Variants in ZNF142 observed in about 807,000 individuals in gnomAD.
The protein encoded by ZNF142 is zinc finger protein 142.
A neutral mutation model predicts 132.1 loss-of-function variants in ZNF142; 96 were observed. The ratio of observed to expected loss-of-function variants is 0.73; its 90% CI spans 0.62 to 0.86. ZNF142 has a LOEUF of 0.86. Ranked by LOEUF, ZNF142 falls within the 40% of genes least tolerant of loss-of-function variation. ZNF142 has a pLI of 0.00. For missense variants in ZNF142, 2,163 were observed against 2,336.2 expected (o/e 0.93, Z 1.53); for synonymous variants, 842 against 890.1 (o/e 0.95, Z 0.96).
At chr2:218,640,338 T>C (rs2106194210) in intron 10 of ZNF142, among the ~76,000 whole-genome samples, 1 of 152,304 alleles carries the variant, frequency 6.6e-6, no homozygotes, top group Admixed American at 6.5e-5. Flanking sequence ...ATCATGTCTG[T>C]GTAAGAGCCA....
In ZNF142 at chr2:218,638,550, C is replaced by T. The variant is rs1352516310; in HGVS notation, c.5453G>A (p.Arg1818His). Residue 1818 changes from arginine to histidine, a missense_variant, in exon 11 of 11, where the codon CGC (arginine) becomes CAC (histidine). By Grantham distance (29) the Arg-to-His change is conservative. This residue lies in a region of ZNF142 where 325 missense variants were observed against 367.8 expected (regional missense o/e 0.88). Transcript: ENST00000411696. ...GCAGAGGCGGCAAAAGAAGGGGTGGCGGTCGGTGTGGGTGAGGGCATGATG... is the reference window on the plus strand; with the variant it reads ...GCAGAGGCGGCAAAAGAAGGGGTGGTGGTCGGTGTGGGTGAGGGCATGATG... ...LRHHALTHTD[R>H]HPFFCRLCNY... 5.0e-6 allele frequency: 8 copies of T among 1,610,410 alleles called. No individual in the cohort carries two copies. Among genetic ancestry groups the T allele is most frequent in the South Asian group, 3.3e-5 (3 of 90,824 alleles).
At chr2:218,646,742 G>A (rs1261456896) in intron 7 of ZNF142, among the ~76,000 whole-genome samples, 1 of 152,106 alleles carries the variant, frequency 6.6e-6, no homozygotes, top group Non-Finnish European at 1.5e-5. Flanking sequence ...CCGCCACCAC[G>A]CCCAACTAAT....
chr2:218,638,244 C>G lies in ZNF142; in HGVS notation c.*95G>C. 2 of 1,278,750 alleles carry G rather than the reference C, an allele frequency of 1.6e-6. No homozygotes were observed. The highest frequency in any genetic ancestry group is 2.0e-6 in the Non-Finnish European group (2 of 979,268). The allele number at this position is 1,278,750 out of a possible 1,614,324, so 79.2% of individuals were successfully genotyped here. A position where few individuals can be genotyped will look rare whatever the true frequency, so the allele number is the denominator to read the frequency against. On this transcript the variant is annotated 3_prime_UTR_variant, in exon 11 of 11. Transcript: ENST00000411696. ...TCACCCTTGTACCCCAAAAGCCAGT[C>G]TTTCCTTAGGCTCTGAGCTCCTCAG...
chr2:218,653,669 G>T (rs1032124956), intron 4 of ZNF142, among the ~76,000 whole-genome samples: 2 of 152,022 alleles, frequency 1.3e-5, no homozygotes, highest in Admixed American at 6.5e-5. Context: ...GCACAATTTG[G>T]TGTGTTTCTT....
rs1937677225 is a variant in ZNF142, at chr2:218,648,759, G to C, written c.1749C>G (p.Asn583Lys). Residue 583 changes from asparagine (N) to lysine (K), a missense_variant, in exon 7 of 11, where the codon AAC becomes AAG. Transcript: ENST00000411696. ...CTACATGATCCTGGTAAGCCACTGG[G>C]TTGAAGGTGGCAAAGGGGCAGAAGG... ...RCTFCPFATFNPVAYQDHVGK... is the reference protein window; with the variant it reads ...RCTFCPFATFKPVAYQDHVGK... 1.9e-6 allele frequency: 3 copies of C among 1,614,230 alleles called. No homozygotes were observed. The highest frequency in any genetic ancestry group is 2.5e-6 in the Non-Finnish European group (3 of 1,180,038).
chr2:218,645,147 C>A, intron 8 of ZNF142, 83 bp from the exon 9 acceptor site: 1 of 1,514,752 alleles, frequency 6.6e-7, no homozygotes. Context: ...TACTGTGGGC[C>A]AGGCTCTGCA....
rs1173665156 is a variant in ZNF142 at position 218,635,773 on chromosome 2, A to G, written c.*2566T>C. On this transcript the variant is annotated 3_prime_UTR_variant, in exon 11 of 11. Coordinates refer to ENST00000411696, the MANE Select transcript of ZNF142 (RefSeq NM_001379659.1). ...GGGCTGGGCTGAGCAGGAACTTGTGAGATTCCAGAGCCCTGACTACAGGTG... is the reference window on the plus strand; with the variant it reads ...GGGCTGGGCTGAGCAGGAACTTGTGGGATTCCAGAGCCCTGACTACAGGTG... The G allele has an allele frequency of 6.2e-7, 1 of 1,606,694 alleles. No individual in the cohort carries two copies. The highest frequency in any genetic ancestry group is 1.7e-5 in the Admixed American group (1 of 58,746).
chr2:218,637,436 T>C lies in ZNF142; in HGVS notation c.*903A>G, dbSNP rs562398225. Among the ~76,000 whole-genome samples the C allele has an allele frequency of 3.3e-5, 5 of 152,304 alleles. No homozygotes were observed. Among genetic ancestry groups the C allele is most frequent in the African/African-American group, 1.2e-4 (5 of 41,564 alleles). ...TTTATGTCTGTTGTCCCAGCATAAT[T>C]ATTAATAGTACCCTCTTTAAGTTTT... On this transcript the variant is annotated 3_prime_UTR_variant, in exon 11 of 11. Coordinates refer to ENST00000411696, the MANE Select transcript of ZNF142 (RefSeq NM_001379659.1).
chr2:218,648,638 T>C lies in ZNF142; in HGVS notation c.1870A>G (p.Thr624Ala). The change falls in exon 7 of 11, where the codon ACG becomes GCG. Residue 624 changes from threonine to alanine, a missense_variant. Around this residue, in one of 7 missense-constraint regions of ZNF142, gnomAD observed 749 missense variants for 830.3 expected, o/e 0.90. Transcript: ENST00000411696. The part of the protein sequence containing the change: ...RVLIRHMLLH[T>A]GEKPHKCELC... ...TTAAGGATGGAAACCATCCTACCCGTATGTAGAAGCATGTGTCGGATGAGC... is the reference window on the plus strand; with the variant it reads ...TTAAGGATGGAAACCATCCTACCCGCATGTAGAAGCATGTGTCGGATGAGC... The C allele has an allele frequency of 6.2e-7, 1 of 1,612,050 alleles. No individual in the cohort carries two copies. Among genetic ancestry groups the C allele is most frequent in the Non-Finnish European group, 8.5e-7 (1 of 1,178,120 alleles).
chr2:218,642,460 T>A lies in ZNF142; in HGVS notation c.4656A>T (p.Pro1552=). ...CCTGGCAGGCCCCACACTCAAGCCG[T>A]GGGTGCTGTTTACGGGTGTGTCCTC... ...SLRGHTRKQH[P]RLECGACQEA... is the part of the protein sequence containing the mutation. The change falls in exon 9 of 11, where the codon CCA becomes CCT. Residue 1552 remains proline, a synonymous_variant. Transcript: ENST00000411696. This position sits in a 1 kb window ranked among gnomAD's most constrained non-coding sequence, Gnocchi z 4.6. 1 of 1,611,996 alleles carries A rather than the reference T, an allele frequency of 6.2e-7. No individual in the cohort carries two copies. The highest frequency in any genetic ancestry group is 1.1e-5 in the South Asian group (1 of 90,874).
In ZNF142 at chr2:218,634,709, G is replaced by A. The variant is rs1371907580; in HGVS notation, c.*3630C>T. The A allele has an allele frequency of 1.4e-5, 20 of 1,468,656 alleles. No homozygotes were observed. Among genetic ancestry groups the A allele is most frequent in the Middle Eastern group, 1.8e-4 (1 of 5,426 alleles). 91.0% of individuals were successfully genotyped at this position (1,468,656 alleles called of 1,614,324 possible). On this transcript the variant is annotated 3_prime_UTR_variant, in exon 11 of 11. Transcript: ENST00000411696. The surrounding 1 kb of genome is among the most constrained non-coding windows in gnomAD (Gnocchi z 4.0). ...AGGGAAGAGGTGGCTAGGCCTGACC[G>A]GAATGTAGAGGCCGGATAGCCTATT...
In ZNF142 at chr2:218,656,188, G is replaced by T; in HGVS notation, c.242C>A (p.Ala81Asp). Residue 81 changes from alanine (A) to aspartate (D), a missense_variant, in exon 4 of 11, where the codon GCT becomes GAT. Transcript: ENST00000411696. ...GNMEIIVETV[A>D]GTLTPGAPGE... The stretch of plus-strand genomic sequence containing the variant: ...AGGAGCACCTGGGGTCAGGGTTCCA[G>T]CTACTGTCTCCACAATGATCTCCAT... The T allele has an allele frequency of 6.2e-7, 1 of 1,609,950 alleles. No individual in the cohort carries two copies. The highest frequency in any genetic ancestry group is 1.7e-5 in the Admixed American group (1 of 59,700).
In ZNF142 at chr2:218,636,562, G is replaced by T. The variant is rs1438945571; in HGVS notation, c.*1777C>A. 1 of 1,613,872 alleles carries T rather than the reference G, an allele frequency of 6.2e-7. No individual in the cohort carries two copies. The highest frequency in any genetic ancestry group is 8.5e-7 in the Non-Finnish European group (1 of 1,179,874). On this transcript the variant is annotated 3_prime_UTR_variant, in exon 11 of 11. Transcript: ENST00000411696. ...ATATCTGCATCCAGGAAGGCCTGGA[G>T]GGGGATGAGTCCTGAGGTGGGCATT...
Position 218,640,751 on chromosome 2 carries a change from T to C in ZNF142, c.5107A>G (p.Lys1703Glu). ...GGGCACAGGTACTTCCGTTCCTCCT[T>C]GTGGATCCGCATGTGGTACTGGAAG... ...SRLKYHMRIH[K>E]EERKYLCPEC... Residue 1703 changes from lysine to glutamate, a missense_variant, in exon 10 of 11, where the codon AAG becomes GAG. By Grantham distance (56) the Lys-to-Glu change is moderately conservative (BLOSUM62 1). Around this residue, in one of 7 missense-constraint regions of ZNF142, gnomAD observed 325 missense variants for 367.8 expected, o/e 0.88. Transcript: ENST00000411696. The C allele has an allele frequency of 6.2e-7, 1 of 1,614,148 alleles. No homozygotes were observed. The highest frequency in any genetic ancestry group is 8.5e-7 in the Non-Finnish European group (1 of 1,180,012).
At chr2:218,651,193 GCTGGTCTTGAACTC>G (rs1937955789) in intron 5 of ZNF142, among the ~76,000 whole-genome samples, 1 of 152,070 alleles carries the variant, frequency 6.6e-6, no homozygotes, top group Admixed American at 6.5e-5. Context: ...CATTGCCCAG[GCTGGTCTTGAACTC>G]CTGGGCTCAA....
chr2:218,645,052 G>T lies in ZNF142; in HGVS notation c.2064C>A (p.Asn688Lys). The T allele has an allele frequency of 6.2e-7, 1 of 1,608,288 alleles. No individual in the cohort carries two copies. The highest frequency in any genetic ancestry group is 2.2e-5 in the East Asian group (1 of 44,706). ...KHAGDLRYQC[N>K]QCSYRCHRAD... ...CCCGGTGACAGCGATAGGAGCACTG[G>T]TTGCACTGATACCTGGCAAGGAGGG... is the stretch of plus-strand genomic sequence containing the variant. Residue 688 changes from asparagine (N) to lysine (K), a missense_variant, in exon 9 of 11, where the codon AAC becomes AAA. Asn to Lys is a moderately conservative substitution (Grantham distance 94, BLOSUM62 0). Coordinates refer to ENST00000411696, the MANE Select transcript of ZNF142 (RefSeq NM_001379659.1).
At chr2:218,645,329 C>T (rs1458232581) in intron 8 of ZNF142, among the ~76,000 whole-genome samples, 1 of 152,190 alleles carries the variant, frequency 6.6e-6, no homozygotes, top group African/African-American at 2.4e-5. Context: ...GGCCTGTGTT[C>T]TAAGCCCTAT....
rs759791403 is a variant in ZNF142, at chr2:218,648,782, A to G, written c.1726T>C (p.Phe576Leu). The G allele has an allele frequency of 6.2e-7, 1 of 1,614,230 alleles. No homozygotes were observed. The highest frequency in any genetic ancestry group is 8.5e-7 in the Non-Finnish European group (1 of 1,180,042). Residue 576 changes from phenylalanine (F) to leucine (L), a missense_variant, in exon 7 of 11, where the codon TTC becomes CTC. Transcript: ENST00000411696. ...HPGSEELRCT[F>L]CPFATFNPVA... ...GGGTTGAAGGTGGCAAAGGGGCAGA[A>G]GGTGCAGCGCAGCTCTTCACTGCCA...
At position 218,637,068 on chromosome 2, in the gene ZNF142, A is replaced by C. The variant is rs1273484902; in HGVS notation, c.*1271T>G. 5.2e-6 allele frequency: 2 copies of C among 381,578 alleles called. No homozygotes were observed. The highest frequency in any genetic ancestry group is 1.0e-5 in the Non-Finnish European group (2 of 195,412). 23.6% of individuals were successfully genotyped at this position (381,578 alleles called of 1,614,324 possible). A position where few individuals can be genotyped will look rare whatever the true frequency, so the allele number is the denominator to read the frequency against. On this transcript the variant is annotated 3_prime_UTR_variant, in exon 11 of 11. Coordinates refer to ENST00000411696, the MANE Select transcript of ZNF142 (RefSeq NM_001379659.1). ...AGCAAAGATTAGGGAAAGAGACTTG[A>C]CCCCAGGACTGTACTACGACTCTTA...
Sources: gnomAD v4.1 joint callset for allele counts (sites outside exome capture counted in the v4.1 genomes callset) on GRCh38, gnomAD v4.1.1 for gene constraint, gnomAD v4.1.1 regional missense constraint, Gnocchi (gnomAD v3.1) non-coding constraint, MANE v1.5 for transcripts, NCBI Gene and HGNC (gene_info 2026-07-23, HGNC 2026-07-21) for gene names.